Variants in KIAA0825 observed in about 807,000 individuals in gnomAD.
KIAA0825 encodes the protein uncharacterized protein KIAA0825.
Under a neutral mutation model 147.6 loss-of-function variants are expected in KIAA0825, and 119 were observed. The ratio of observed to expected loss-of-function variants is 0.81; its 90% CI spans 0.69 to 0.94. The LOEUF is 0.94. KIAA0825 is among the 40% of genes least tolerant of loss of function. KIAA0825 has a pLI of 0.00. For synonymous variants in KIAA0825, 470 were observed against 518.1 expected, an observed-to-expected ratio of 0.91 and a Z score of 1.26; for missense variants, 1,381 against 1,472.7, an observed-to-expected ratio of 0.94 and a Z score of 1.02.
rs184463184 is a variant in KIAA0825, at chr5:94,399,975, A to G, written c.2888-3466T>C. Among the ~76,000 whole-genome samples the G allele has an allele frequency of 3.4e-4, 52 of 152,212 alleles. No individual in the cohort carries two copies. The East Asian group carries it at 7.9e-3, about 23-fold the overall frequency. ...TTTAAATCTGAGCTTAACACTTCAC[A>G]ATACAAAGGTCAAGTTCTAAGTTCA... On this transcript the variant is annotated intron_variant, in intron 16 of 20. Coordinates refer to ENST00000682413, the MANE Select transcript of KIAA0825 (RefSeq NM_001145678.3).
chr5:94,530,699 T>A (rs1770616662), intron 3 of KIAA0825, among the ~76,000 whole-genome samples: 1 of 152,122 alleles, frequency 6.6e-6, no homozygotes, highest in South Asian at 2.1e-4. Context: ...CCACCCAACA[T>A]GAAAGATGAG....
intron 11 of KIAA0825, among the ~76,000 whole-genome samples, chr5:94,462,877 C>T (rs906429920): frequency 5.9e-5 from 9 of 151,408 alleles, no homozygotes; most frequent in Non-Finnish European, 1.2e-4. Flanking sequence ...AGAGATCATC[C>T]CGGAAATTAT....
At chr5:94,560,406 A>G (rs1195139529) in intron 2 of KIAA0825, among the ~76,000 whole-genome samples, 2 of 152,228 alleles carry the variant, frequency 1.3e-5, no homozygotes, top group Admixed American at 1.3e-4. Context: ...ACCTTACAGG[A>G]TAACCATTTA....
intron 18 of KIAA0825, among the ~76,000 whole-genome samples, chr5:94,389,431 G>GGTGT (rs1749609032): frequency 6.6e-6 from 1 of 152,078 alleles, no homozygotes; most frequent in Non-Finnish European, 1.5e-5. Context: ...AGTTGATAGG[G>GGTGT]GTGTGGCACA....
chr5:94,548,485 G>A (rs1350280388), intron 2 of KIAA0825, among the ~76,000 whole-genome samples: 2 of 152,014 alleles, frequency 1.3e-5, no homozygotes, highest in East Asian at 3.8e-4. Context: ...AGCAAGAGAG[G>A]AAGGAAGGAA....
intron 1 of KIAA0825, among the ~76,000 whole-genome samples, chr5:94,586,503 C>T (rs563748961): frequency 2.0e-4 from 30 of 152,262 alleles, no homozygotes; most frequent in Admixed American, 1.2e-3. Flanking sequence ...GAAGCTGAAT[C>T]TCTGAATAGA....
chr5:94,420,954 C>T (rs751367278), intron 14 of KIAA0825, among the ~76,000 whole-genome samples: 2 of 152,142 alleles, frequency 1.3e-5, no homozygotes, highest in Non-Finnish European at 2.9e-5. Context: ...AAGCCTCATC[C>T]TCCTCACATC....
intron 20 of KIAA0825, among the ~76,000 whole-genome samples, chr5:94,160,799 T>C (rs987145455): frequency 3.3e-5 from 5 of 152,078 alleles, no homozygotes; most frequent in Non-Finnish European, 7.4e-5. Context: ...TAAAGTCATA[T>C]TGGATTTTAT....
At chr5:94,390,364 T>C (rs1749736043) in intron 18 of KIAA0825, among the ~76,000 whole-genome samples, 1 of 152,194 alleles carries the variant, frequency 6.6e-6, no homozygotes, top group African/African-American at 2.4e-5. Flanking sequence ...AATGGCCAAG[T>C]GCACATACCA....
rs771486226 is a variant in KIAA0825 at position 94,182,250 on chromosome 5, C to CTTTTTT, written c.3711-28132_3711-28127dup. Among the ~76,000 whole-genome samples, 14 of 38,282 alleles carry CTTTTTT rather than the reference C, an allele frequency of 3.7e-4. 5 individuals carry two copies. Among genetic ancestry groups the CTTTTTT allele is most frequent in the East Asian group, 1.9e-3 (2 of 1,052 alleles). The allele number at this position is 38,282 out of a possible 152,430, so 25.1% of individuals were successfully genotyped here. On this transcript the variant is annotated intron_variant, in intron 20 of 20. Coordinates refer to ENST00000682413, the MANE Select transcript of KIAA0825 (RefSeq NM_001145678.3). ...CAAGACATAACTTAAAATGTCCCTT[C>CTTTTTT]TTTTTTTTTTTTTTTTTTTTTTTTT...
At chr5:94,327,498 A>ATTT (rs1780819591) in intron 20 of KIAA0825, among the ~76,000 whole-genome samples, 1 of 152,044 alleles carries the variant, frequency 6.6e-6, no homozygotes, top group South Asian at 2.1e-4. Flanking sequence ...GACTTTGCTG[A>ATTT]TTTTTTTGTT....
chr5:94,471,570 A>G lies in KIAA0825; in HGVS notation c.1617T>C (p.Pro539=). 1 of 1,551,926 alleles carries G rather than the reference A, an allele frequency of 6.4e-7. No homozygotes were observed. Among genetic ancestry groups the G allele is most frequent in the East Asian group, 2.4e-5 (1 of 40,916 alleles). Residue 539 remains proline (P), a synonymous_variant, in exon 9 of 21, where the codon CCT becomes CCC. Coordinates refer to ENST00000682413, the MANE Select transcript of KIAA0825 (RefSeq NM_001145678.3). ...GCAAGTTTTTCAGGGGTGCTTTGGA[A>G]GGAACCTCCTTGGCTCTCTCTTGCA... The part of the protein sequence containing the change: ...QRLQERAKEV[P]SKAPLKNLHT...
At chr5:94,394,054 A>G (rs1584361806) in intron 17 of KIAA0825, among the ~76,000 whole-genome samples, 1 of 151,690 alleles carries the variant, frequency 6.6e-6, no homozygotes, top group East Asian at 1.9e-4. Context: ...GTTTCATCAT[A>G]TCAGTCAGGC....
intron 20 of KIAA0825, among the ~76,000 whole-genome samples, chr5:94,160,078 G>C (rs1412319914): frequency 6.6e-6 from 1 of 152,114 alleles, no homozygotes; most frequent in Non-Finnish European, 1.5e-5. Flanking sequence ...GTGCAGACTG[G>C]TTTTTCAGAG....
chr5:94,198,341 T>C (rs188307091), intron 20 of KIAA0825, among the ~76,000 whole-genome samples: 135 of 152,316 alleles, frequency 8.9e-4, no homozygotes, highest in African/African-American at 3.2e-3. Context: ...TTATCAGTTC[T>C]AAGAGCCTTT....
At chr5:94,212,999 A>G (rs1235933798) in intron 20 of KIAA0825, among the ~76,000 whole-genome samples, 1 of 152,226 alleles carries the variant, frequency 6.6e-6, no homozygotes, top group Non-Finnish European at 1.5e-5. Context: ...TACATTATGT[A>G]CATTATCTCA....
intron 12 of KIAA0825, among the ~76,000 whole-genome samples, chr5:94,453,976 AAAG>A (rs548996390): frequency 1.3e-4 from 20 of 152,214 alleles, no homozygotes; most frequent in African/African-American, 4.3e-4. Context: ...GAGGGCTTAT[AAAG>A]AAGAATTTAG....
At chr5:94,598,531 T>C (rs746488391) in intron 1 of KIAA0825, among the ~76,000 whole-genome samples, 6 of 152,144 alleles carry the variant, frequency 3.9e-5, no homozygotes, top group Non-Finnish European at 7.4e-5. Context: ...ACAGTCTTTT[T>C]TATAAGTAGA....
Position 94,523,914 on chromosome 5 carries a change from TA to T in KIAA0825, c.300+15del. On this transcript the variant is annotated intron_variant, in intron 4 of 20. Transcript: ENST00000682413. The stretch of plus-strand genomic sequence containing the variant: ...TTACTCATCCCACTCCATGATAAAA[TA>T]AAAATTCATTTTACCAGTGTTTTGA... 2.0e-6 allele frequency: 3 copies of T among 1,537,902 alleles called. No homozygotes were observed. Among genetic ancestry groups the T allele is most frequent in the Non-Finnish European group, 2.7e-6 (3 of 1,120,486 alleles).
Sources: gnomAD v4.1 joint callset for allele counts (sites outside exome capture counted in the v4.1 genomes callset) on GRCh38, gnomAD v4.1.1 for gene constraint, MANE v1.5 for transcripts, NCBI Gene and HGNC (gene_info 2026-07-23, HGNC 2026-07-21) for gene names.